The following FOLR2 variants were observed in gnomAD, a reference collection of about 807,000 sequenced individuals.
FOLR2 encodes the protein folate receptor 2 (fetal).
In FOLR2, 14 loss-of-function variants were observed where a neutral mutation model predicts 20.4. The ratio of observed to expected loss-of-function variants is 0.68; its 90% CI spans 0.45 to 1.07. The LOEUF (loss-of-function observed/expected upper bound fraction) is 1.07, where lower values mean the gene tolerates loss of function less well. Ranked by LOEUF, FOLR2 falls within the 50% of genes least tolerant of loss-of-function variation. The pLI is 0.00. For missense variants in FOLR2, 269 were observed against 322.6 expected (o/e 0.83, Z 1.27); for synonymous variants, 114 against 114.3 (o/e 1.00, Z 0.02).
intron 4 of FOLR2, 44 bp downstream of exon 4, chr11:72,221,355 A>G (rs1298025432): frequency 6.2e-7 from 1 of 1,604,284 alleles, no homozygotes; most frequent in Admixed American, 1.7e-5. Flanking sequence ...AGATTGAGGT[A>G]GGGTTTGGAA....
At position 72,220,864 on chromosome 11, in the gene FOLR2, A is replaced by T; in HGVS notation, c.151-6A>T. ...AGGCACTTAGTCCTGTGTCTTCCCC[A>T]CCCAGTGCAGTCCCTGGAAGAAGAA... On this transcript the variant is annotated splice_polypyrimidine_tract_variant and splice_region_variant and intron_variant, in intron 2 of 4. Coordinates refer to ENST00000298223, the MANE Select transcript of FOLR2 (RefSeq NM_000803.5). 6.2e-7 allele frequency: 1 copy of T among 1,613,834 alleles called. No individual in the cohort carries two copies. Among genetic ancestry groups the T allele is most frequent in the Non-Finnish European group, 8.5e-7 (1 of 1,179,858 alleles).
rs897373102 is a variant in FOLR2, at chr11:72,221,946, T to C, written c.*184T>C. 7.4e-5 allele frequency: 45 copies of C among 610,822 alleles called. No individual in the cohort carries two copies. The highest frequency in any genetic ancestry group is 1.2e-4 in the Non-Finnish European group (42 of 352,664). 37.8% of individuals were successfully genotyped at this position (610,822 alleles called of 1,614,324 possible). A position where few individuals can be genotyped will look rare whatever the true frequency, so the allele number is the denominator to read the frequency against. On this transcript the variant is annotated 3_prime_UTR_variant, in exon 5 of 5. Coordinates refer to ENST00000298223, the MANE Select transcript of FOLR2 (RefSeq NM_000803.5). ...TAATAAACAGACTGTTTTCTAATAATTCCATGTCTGTGGAATTGTTTTGGT... is the reference window on the plus strand; with the variant it reads ...TAATAAACAGACTGTTTTCTAATAACTCCATGTCTGTGGAATTGTTTTGGT...
At chr11:72,218,837 C>G (rs1037625406) in intron 2 of FOLR2, 103 bp downstream of exon 2, 7 of 965,536 alleles carry the variant, frequency 7.2e-6, no homozygotes, top group Admixed American at 7.0e-5. Flanking sequence ...ACCTCCACAT[C>G]CTGAAGTTTT....
chr11:72,217,472 T>C, intron 1 of FOLR2: 1 of 988,838 alleles, frequency 1.0e-6, no homozygotes, highest in Non-Finnish European at 1.4e-6. Flanking sequence ...GAGGAAGCAG[T>C]ATCCATTATC....
At chr11:72,219,691 A>C (rs1432023908) in intron 2 of FOLR2, among the ~76,000 whole-genome samples, 1 of 152,208 alleles carries the variant, frequency 6.6e-6, no homozygotes, top group Non-Finnish European at 1.5e-5. Flanking sequence ...ACTTTTCTAA[A>C]ATAGTGAATA....
chr11:72,217,710 C>A (rs1437268454), intron 1 of FOLR2, among the ~76,000 whole-genome samples: 2 of 152,114 alleles, frequency 1.3e-5, no homozygotes, highest in Non-Finnish European at 2.9e-5. Flanking sequence ...AAACTTCTAT[C>A]GTTTTTCAGG....
chr11:72,217,531 G>A, intron 1 of FOLR2: 1 of 550,678 alleles, frequency 1.8e-6, no homozygotes, highest in East Asian at 6.9e-5. Context: ...ATGGCTGGGG[G>A]TGGGGGCAAG....
At chr11:72,219,112 C>G (rs955775745) in intron 2 of FOLR2, among the ~76,000 whole-genome samples, 1 of 152,132 alleles carries the variant, frequency 6.6e-6, no homozygotes, top group Non-Finnish European at 1.5e-5. Context: ...ACATGAATGG[C>G]CCCTGTGGAG....
intron 1 of FOLR2, chr11:72,217,351 C>A (rs1363856311): frequency 1.6e-6 from 2 of 1,288,336 alleles, no homozygotes; most frequent in South Asian, 1.2e-5. Context: ...ATCATGCTGG[C>A]TCCTGTGGGG....
chr11:72,217,276 G>C (rs1380519216), intron 1 of FOLR2: 2 of 880,078 alleles, frequency 2.3e-6, no homozygotes, highest in South Asian at 2.8e-5. Context: ...ACCCACCTCG[G>C]CCTCCCAAAG....
intron 1 of FOLR2, 122 bp downstream of exon 1, chr11:72,217,047 C>A (rs1948401633): frequency 9.1e-7 from 1 of 1,098,472 alleles, no homozygotes; most frequent in East Asian, 2.6e-5. Context: ...TTTTTTGAGA[C>A]AGAGTCTCGC....
At chr11:72,218,816 A>G (rs1948436441) in intron 2 of FOLR2, 82 bp downstream of exon 2, 5 of 1,224,816 alleles carry the variant, frequency 4.1e-6, no homozygotes, top group South Asian at 2.7e-5. Flanking sequence ...AGAGGGATTG[A>G]GGGGTCAGAT....
chr11:72,221,871 C>T lies in FOLR2; in HGVS notation c.*109C>T. The T allele has an allele frequency of 3.0e-6, 3 of 1,011,936 alleles. No homozygotes were observed. The highest frequency in any genetic ancestry group is 4.3e-6 in the Non-Finnish European group (3 of 695,096). 62.7% of individuals were successfully genotyped at this position (1,011,936 alleles called of 1,614,324 possible). On this transcript the variant is annotated 3_prime_UTR_variant, in exon 5 of 5. Transcript: ENST00000298223. Reference sequence around the variant, plus strand: ...GCATGCTTCTATTAGTCACCTAACCCTCTGTCACCCAGTCTGTTGCTGCTC... The same window carrying T: ...GCATGCTTCTATTAGTCACCTAACCTTCTGTCACCCAGTCTGTTGCTGCTC...
intron 2 of FOLR2, among the ~76,000 whole-genome samples, chr11:72,220,537 A>G (rs1407732525): frequency 6.6e-6 from 1 of 152,200 alleles, no homozygotes; most frequent in East Asian, 1.9e-4. Flanking sequence ...TATAACCGTG[A>G]CTGGCATAAA....
chr11:72,216,977 G>C (rs755632252), intron 1 of FOLR2, 52 bp downstream of exon 1: 16 of 1,576,490 alleles, frequency 1.0e-5, no homozygotes, highest in Non-Finnish European at 1.2e-5. Context: ...GAGACTTGGA[G>C]AGTTTGTGCA....
In FOLR2 at chr11:72,221,067, T is replaced by TCGGGGGGGCC; in HGVS notation, c.339+10_339+11insGGGGGGGCCC. 5 of 1,570,070 alleles carry TCGGGGGGGCC rather than the reference T, an allele frequency of 3.2e-6. No homozygotes were observed. The highest frequency in any genetic ancestry group is 4.3e-6 in the Non-Finnish European group (5 of 1,154,868). On this transcript the variant is annotated intron_variant, in intron 3 of 4. Transcript: ENST00000298223. ...GGCCCTGGATCCAGCAGGTAGGGTG[T>TCGGGGGGGCC]CTCCCCCCCACCCACCCCAGCAGAC... is the stretch of plus-strand genomic sequence containing the variant.
chr11:72,218,717 G>A lies in FOLR2; in HGVS notation c.133G>A (p.Asp45Asn). Reference protein sequence around the residue: ...KHHKTKPGPEDKLHDQCSPWK... With the variant: ...KHHKTKPGPENKLHDQCSPWK... ...CCACAAGACAAAGCCAGGTCCTGAG[G>A]ACAAGCTGCATGACCAAGTACGGCT... is the stretch of plus-strand genomic sequence containing the variant. The change falls in exon 2 of 5, where the codon GAC (aspartate) becomes AAC (asparagine). Residue 45 changes from aspartate (D) to asparagine (N), a missense_variant. Physicochemically the swap from Asp to Asn is conservative, Grantham distance 23. Coordinates refer to ENST00000298223, the MANE Select transcript of FOLR2 (RefSeq NM_000803.5). The A allele has an allele frequency of 3.1e-6, 5 of 1,611,876 alleles. No individual in the cohort carries two copies. Among genetic ancestry groups the A allele is most frequent in the Non-Finnish European group, 4.2e-6 (5 of 1,178,894 alleles).
intron 2 of FOLR2, among the ~76,000 whole-genome samples, chr11:72,219,695 G>C (rs1361062764): frequency 6.6e-6 from 1 of 152,114 alleles, no homozygotes; most frequent in Non-Finnish European, 1.5e-5. Flanking sequence ...TTCTAAAATA[G>C]TGAATAATTC....
At chr11:72,217,343 C>G in intron 1 of FOLR2, 2 of 1,287,732 alleles carry the variant, frequency 1.6e-6, no homozygotes, top group Non-Finnish European at 2.0e-6. Flanking sequence ...TTAGAAAGAT[C>G]ATGCTGGCTC....
Sources: allele counts gnomAD v4.1 joint callset (sites outside exome capture counted in the v4.1 genomes callset), GRCh38; gene constraint gnomAD v4.1.1; transcripts MANE v1.5; gene names NCBI Gene and HGNC (gene_info 2026-07-23, HGNC 2026-07-21).